DLGAP2: variants seen among roughly 807,000 people sequenced by gnomAD.
DLGAP2 encodes the protein disks large-associated protein 2.
A neutral mutation model predicts 100.3 loss-of-function variants in DLGAP2; 26 were observed. That is an observed-to-expected ratio of 0.26 (90% CI 0.19 to 0.36). The LOEUF is 0.36. Ranked by LOEUF, DLGAP2 falls within the 10% of genes least tolerant of loss-of-function variation. The probability of loss-of-function intolerance (pLI) is 1.00; values close to 1 mark genes in which losing one functional copy is unlikely to be tolerated. For synonymous variants in DLGAP2, 886 were observed against 630.1 expected (o/e 1.41, Z -6.08); for missense variants, 1,858 against 1,453.2 (o/e 1.28, Z -4.53).
At chr8:1,697,704 C>T (rs1023222096) in intron 14 of DLGAP2, among the ~76,000 whole-genome samples, 12 of 152,146 alleles carry the variant, frequency 7.9e-5, no homozygotes, top group African/African-American at 2.9e-4. Flanking sequence ...AAGTTTTAGG[C>T]CTGGTTATGG....
chr8:1,119,499 G>A (rs1035252155), intron 2 of DLGAP2, among the ~76,000 whole-genome samples: 9 of 152,116 alleles, frequency 5.9e-5, no homozygotes, highest in Admixed American at 5.2e-4. Context: ...ATTGCTTCTC[G>A]CAGTTCAGCC....
chr8:1,358,804 C>A (rs944541761), intron 3 of DLGAP2, among the ~76,000 whole-genome samples: 1 of 152,066 alleles, frequency 6.6e-6, no homozygotes, highest in Non-Finnish European at 1.5e-5. Context: ...ACCGAACTGC[C>A]TGATCAGGCC....
At chr8:1,691,712 C>A in intron 13 of DLGAP2, 86 bp downstream of exon 13, 3 of 1,170,978 alleles carry the variant, frequency 2.6e-6, no homozygotes, top group South Asian at 1.3e-5. Context: ...TCTTCCTTGT[C>A]AAAGAGTTCC....
intron 2 of DLGAP2, among the ~76,000 whole-genome samples, chr8:1,116,947 G>A (rs1271087659): frequency 1.3e-5 from 2 of 152,216 alleles, no homozygotes; most frequent in African/African-American, 2.4e-5. Context: ...ACAGCTACTG[G>A]CTTCCTCTGC....
chr8:883,302 C>T (rs1248864168), intron 1 of DLGAP2: 2 of 152,224 alleles, frequency 1.3e-5, no homozygotes, highest in Non-Finnish European at 2.9e-5. Context: ...GTGGGTGAGT[C>T]ACCTGAGGCA....
intron 3 of DLGAP2, among the ~76,000 whole-genome samples, chr8:1,454,694 A>G (rs1563159387): frequency 1.3e-5 from 2 of 152,162 alleles, no homozygotes; most frequent in East Asian, 1.9e-4. Flanking sequence ...TCTCTAAGGG[A>G]GTTCAGCTTG....
intron 4 of DLGAP2, among the ~76,000 whole-genome samples, chr8:1,517,053 G>A (rs901437704): frequency 7.2e-5 from 11 of 152,116 alleles, no homozygotes; most frequent in South Asian, 2.1e-4. Context: ...ACCAGGAATC[G>A]AGGTTCAGTA....
rs775916633 is a variant in DLGAP2, at chr8:1,565,710, C to G, written c.1258C>G (p.Pro420Ala). Residue 420 changes from proline (P) to alanine (A), a missense_variant, in exon 6 of 15, where the codon CCC (proline) becomes GCC (alanine). Pro to Ala is a conservative substitution (Grantham distance 27). Transcript: ENST00000637795. ...ACCTCAGGATGAGTGGGGAGGGTAC[C>G]CCACCGGTGGCAAAGATGAGGAGAT... The part of the protein sequence containing the change: ...QVPQDEWGGY[P>A]TGGKDEEIPC... 4.3e-6 allele frequency: 7 copies of G among 1,612,870 alleles called. No homozygotes were observed. The highest frequency in any genetic ancestry group is 5.9e-6 in the Non-Finnish European group (7 of 1,179,534).
intron 2 of DLGAP2, among the ~76,000 whole-genome samples, chr8:1,170,278 G>A (rs1158643467): frequency 1.3e-5 from 2 of 151,780 alleles, no homozygotes; most frequent in African/African-American, 2.4e-5. Context: ...TGCTGGATTC[G>A]TTTTGCCAGT....
At chr8:1,593,928 G>C (rs1796366736) in intron 6 of DLGAP2, among the ~76,000 whole-genome samples, 1 of 152,192 alleles carries the variant, frequency 6.6e-6, no homozygotes, top group Non-Finnish European at 1.5e-5. Context: ...CAGAGAACTG[G>C]CATCTACCTT....
intron 5 of DLGAP2, among the ~76,000 whole-genome samples, chr8:1,561,022 G>C (rs919063551): frequency 6.6e-6 from 1 of 152,144 alleles, no homozygotes; most frequent in Non-Finnish European, 1.5e-5. Context: ...GTCATGAGAG[G>C]GACCCAGTAG....
At chr8:1,492,825 C>T (rs1255938173) in intron 3 of DLGAP2, among the ~76,000 whole-genome samples, 1 of 152,192 alleles carries the variant, frequency 6.6e-6, no homozygotes, top group Non-Finnish European at 1.5e-5. Flanking sequence ...TGTGTACGAC[C>T]ACGGAGAGCT....
chr8:935,488 T>G (rs1207314325), intron 2 of DLGAP2, among the ~76,000 whole-genome samples: 2 of 152,238 alleles, frequency 1.3e-5, no homozygotes, highest in Admixed American at 6.5e-5. Context: ...TTGGATTAAA[T>G]AAACTATATT....
chr8:1,005,564 A>G (rs1036053159), intron 2 of DLGAP2, among the ~76,000 whole-genome samples: 3 of 148,544 alleles, frequency 2.0e-5, no homozygotes, highest in African/African-American at 4.9e-5. Context: ...GTGTGCCACC[A>G]TGCCCAGCTT....
intron 2 of DLGAP2, among the ~76,000 whole-genome samples, chr8:1,149,308 G>A (rs1462236776): frequency 6.6e-6 from 1 of 152,068 alleles, no homozygotes; most frequent in Non-Finnish European, 1.5e-5. Flanking sequence ...ACCGCACCCG[G>A]CTAATTTTTT....
At chr8:1,417,668 C>CTGCCTCACTCA (rs1796951590) in intron 3 of DLGAP2, among the ~76,000 whole-genome samples, 14 of 118,028 alleles carry the variant, frequency 1.2e-4, no homozygotes, top group Non-Finnish European at 1.9e-4. Context: ...TGCCTCACTC[C>CTGCCTCACTCA]GCGAGGCTCC....
chr8:896,769 GAACTGTGAGAAATGAA>G lies in DLGAP2; in HGVS notation c.19-11142_19-11127del, dbSNP rs1798150902. Among the ~76,000 whole-genome samples the G allele has an allele frequency of 3.9e-5, 6 of 152,290 alleles. No individual in the cohort carries two copies. In the South Asian group the frequency reaches 1.2e-3, roughly 32 times the overall value. On this transcript the variant is annotated intron_variant, in intron 1 of 14. Transcript: ENST00000637795. ...CTCCGCGCTGGACCTGCAGCCTCCA[GAACTGTGAGAAATGAA>G]TTCTGCTGTTCATTTATGGGCCCCC... is the stretch of plus-strand genomic sequence containing the variant.
At chr8:1,343,880 C>T (rs550465622) in intron 3 of DLGAP2, among the ~76,000 whole-genome samples, 5 of 152,296 alleles carry the variant, frequency 3.3e-5, no homozygotes, top group Admixed American at 1.3e-4. Context: ...GAGCTCAGCC[C>T]TCTCACGCTT....
At chr8:1,310,058 C>CAA (rs3052029) in intron 3 of DLGAP2, among the ~76,000 whole-genome samples, 1,386 of 105,606 alleles carry the variant, frequency 0.013, 35 homozygotes, top group African/African-American at 0.04. Context: ...GTCTCCATCT[C>CAA]AAAAAAAAAA....
Sources: gnomAD v4.1 joint callset for allele counts (sites outside exome capture counted in the v4.1 genomes callset) on GRCh38, gnomAD v4.1.1 for gene constraint, MANE v1.5 for transcripts, NCBI Gene and HGNC (gene_info 2026-07-23, HGNC 2026-07-21) for gene names.